Variants in BCL9 observed in about 807,000 individuals in gnomAD.
BCL9 encodes the protein BCL9 transcription coactivator, also known as B-cell CLL/lymphoma 9 protein.
Under a neutral mutation model 88.5 loss-of-function variants are expected in BCL9, and 25 were observed. The observed-to-expected ratio is 0.28, with a 90% CI of 0.21 to 0.39. The LOEUF is 0.39. BCL9 is among the 10% of genes least tolerant of loss of function. BCL9 has a pLI of 1.00. For synonymous variants in BCL9, 711 were observed against 673.3 expected (o/e 1.06, Z -0.87); for missense variants, 1,817 against 1,877.8 (o/e 0.97, Z 0.60).
intron 1 of BCL9, among the ~76,000 whole-genome samples, chr1:147,593,089 A>G (rs1280443525): frequency 6.6e-6 from 1 of 152,172 alleles, no homozygotes; most frequent in Non-Finnish European, 1.5e-5. Context: ...CACCATCATC[A>G]TCACAGCAAG....
intron 3 of BCL9, among the ~76,000 whole-genome samples, chr1:147,608,628 C>T (rs1027465542): frequency 3.3e-5 from 5 of 152,014 alleles, no homozygotes; most frequent in Non-Finnish European, 7.4e-5. Flanking sequence ...CTGGGCAAGT[C>T]CAGGTATTGG....
intron 3 of BCL9, among the ~76,000 whole-genome samples, chr1:147,609,431 A>G (rs1170992200): frequency 2.6e-5 from 4 of 152,180 alleles, no homozygotes; most frequent in Admixed American, 6.5e-5. Flanking sequence ...CTCTCCCTCC[A>G]TAAAGTAATG....
In BCL9 at chr1:147,624,384, C is replaced by G; in HGVS notation, c.3706C>G (p.Leu1236Val). The G allele has an allele frequency of 6.2e-7, 1 of 1,614,254 alleles. No individual in the cohort carries two copies. The highest frequency in any genetic ancestry group is 8.5e-7 in the Non-Finnish European group (1 of 1,180,042). ...PGATGIPEFD[L>V]SRIIPSEKPS... ...AGCCACCGGAATACCTGAGTTTGAT[C>G]TATCCCGCATTATTCCATCTGAGAA... Residue 1236 changes from leucine (L) to valine (V), a missense_variant, in exon 10 of 10, where the codon CTA (leucine) becomes GTA (valine). Leu to Val is a conservative substitution (Grantham distance 32, BLOSUM62 1). Around this residue, in one of 2 missense-constraint regions of BCL9, gnomAD observed 589 missense variants for 686.2 expected, o/e 0.86. Transcript: ENST00000234739. The surrounding 1 kb of genome is among the most constrained non-coding windows in gnomAD (Gnocchi z 4.4).
At chr1:147,580,609 G>T (rs1570854534) in intron 1 of BCL9, among the ~76,000 whole-genome samples, 1 of 152,262 alleles carries the variant, frequency 6.6e-6, no homozygotes, top group Non-Finnish European at 1.5e-5. Flanking sequence ...TAAATCCATT[G>T]TCCCAAACAT....
intron 1 of BCL9, among the ~76,000 whole-genome samples, chr1:147,544,962 C>T (rs1415410745): frequency 2.6e-5 from 4 of 152,088 alleles, no homozygotes; most frequent in African/African-American, 4.8e-5. Flanking sequence ...TTTTCTACAT[C>T]GTGTCTTTCT....
At chr1:147,618,330 A>G (rs1658397051) in intron 7 of BCL9, among the ~76,000 whole-genome samples, 1 of 152,194 alleles carries the variant, frequency 6.6e-6, no homozygotes, top group African/African-American at 2.4e-5. Flanking sequence ...CAGAGCTGCA[A>G]GTGACTTACG....
At position 147,624,927 on chromosome 1, in the gene BCL9, G is replaced by A; in HGVS notation, c.4249G>A (p.Gly1417Arg). 1 of 1,611,106 alleles carries A rather than the reference G, an allele frequency of 6.2e-7. No individual in the cohort carries two copies. Among genetic ancestry groups the A allele is most frequent in the Non-Finnish European group, 8.5e-7 (1 of 1,177,528 alleles). ...CGTGGGCATGGGTGGATTTAGCCAAGGACCTGGCAACCCAGGAAACATGAT... is the reference window on the plus strand; with the variant it reads ...CGTGGGCATGGGTGGATTTAGCCAAAGACCTGGCAACCCAGGAAACATGAT... ...ADVGMGGFSQ[G>R]PGNPGNMMF The change falls in exon 10 of 10, where the codon GGA becomes AGA. Residue 1417 changes from glycine (G) to arginine (R), a missense_variant. Physicochemically the swap from Gly to Arg is moderately radical, Grantham distance 125 (BLOSUM62 -2). Around this residue, in one of 2 missense-constraint regions of BCL9, gnomAD observed 589 missense variants for 686.2 expected, o/e 0.86. Coordinates refer to ENST00000234739, the MANE Select transcript of BCL9 (RefSeq NM_004326.4). The surrounding 1 kb of genome is among the most constrained non-coding windows in gnomAD (Gnocchi z 4.4).
chr1:147,587,553 A>C (rs587770723), intron 1 of BCL9, among the ~76,000 whole-genome samples: 2 of 152,136 alleles, frequency 1.3e-5, no homozygotes, highest in African/African-American at 4.8e-5. Flanking sequence ...CTCCTTAACC[A>C]TGGCAGGAGG....
At chr1:147,590,968 G>C (rs1656820423) in intron 1 of BCL9, among the ~76,000 whole-genome samples, 1 of 152,190 alleles carries the variant, frequency 6.6e-6, no homozygotes, top group Non-Finnish European at 1.5e-5. Flanking sequence ...TTGCACTGAT[G>C]TTATTTTTAC....
intron 5 of BCL9, 75 bp from the exon 6 acceptor site, chr1:147,614,352 T>C: frequency 6.9e-7 from 1 of 1,444,962 alleles, no homozygotes; most frequent in Admixed American, 1.9e-5. Context: ...GGTGGGTTTG[T>C]GTTGTGATGC....
intron 3 of BCL9, among the ~76,000 whole-genome samples, chr1:147,611,239 C>T (rs782753040): frequency 2.6e-5 from 4 of 152,146 alleles, no homozygotes; most frequent in Non-Finnish European, 5.9e-5. Flanking sequence ...AAGAAAGACA[C>T]AAGTTTTTGA....
intron 1 of BCL9, among the ~76,000 whole-genome samples, chr1:147,552,555 G>A (rs1654947558): frequency 1.3e-5 from 2 of 152,320 alleles, no homozygotes; most frequent in South Asian, 4.1e-4. Flanking sequence ...GCAGTGAGCT[G>A]AGATCGCACC....
chr1:147,583,380 T>C (rs1286610026), intron 1 of BCL9, among the ~76,000 whole-genome samples: 1 of 151,964 alleles, frequency 6.6e-6, no homozygotes, highest in African/African-American at 2.4e-5. Flanking sequence ...CAGGTTCAAG[T>C]AATCCTCCCG....
chr1:147,615,029 T>C (rs12742855), intron 6 of BCL9, among the ~76,000 whole-genome samples: 4 of 151,932 alleles, frequency 2.6e-5, no homozygotes, highest in Non-Finnish European at 4.4e-5. Flanking sequence ...TTAGTAGAGA[T>C]GGGGTTTCAC....
At chr1:147,616,151 A>G (rs1311552227) in intron 7 of BCL9, among the ~76,000 whole-genome samples, 1 of 152,220 alleles carries the variant, frequency 6.6e-6, no homozygotes, top group Non-Finnish European at 1.5e-5. Context: ...AGCTATACAG[A>G]TATCTTTGGG....
intron 1 of BCL9, among the ~76,000 whole-genome samples, chr1:147,548,504 T>A (rs1177181724): frequency 6.6e-6 from 1 of 152,200 alleles, no homozygotes; most frequent in Non-Finnish European, 1.5e-5. Flanking sequence ...ATTCCTGCTC[T>A]ACCACCTCCT....
chr1:147,579,547 G>C (rs1274727707), intron 1 of BCL9, among the ~76,000 whole-genome samples: 1 of 152,168 alleles, frequency 6.6e-6, no homozygotes, highest in Non-Finnish European at 1.5e-5. Context: ...CCCATGCTGG[G>C]AAATGCTATC....
At chr1:147,600,831 G>C (rs1297518213) in intron 1 of BCL9, among the ~76,000 whole-genome samples, 3 of 151,998 alleles carry the variant, frequency 2.0e-5, no homozygotes, top group Non-Finnish European at 2.9e-5. Context: ...GAGTAGTTAA[G>C]GGCCCAAGCA....
At chr1:147,601,630 T>C (rs587647920) in intron 1 of BCL9, among the ~76,000 whole-genome samples, 1 of 152,350 alleles carries the variant, frequency 6.6e-6, no homozygotes, top group South Asian at 2.1e-4. Flanking sequence ...ATGATTGTCC[T>C]GTTTTGTGTT....
Sources: gnomAD v4.1 joint callset for allele counts (sites outside exome capture counted in the v4.1 genomes callset) on GRCh38, gnomAD v4.1.1 for gene constraint, gnomAD v4.1.1 regional missense constraint, Gnocchi (gnomAD v3.1) non-coding constraint, MANE v1.5 for transcripts, NCBI Gene and HGNC (gene_info 2026-07-23, HGNC 2026-07-21) for gene names.